SPAG17: variants seen among roughly 807,000 people sequenced by gnomAD.
The protein encoded by SPAG17 is sperm-associated antigen 17.
In SPAG17, 169 loss-of-function variants were observed where a neutral mutation model predicts 273.6. The ratio of observed to expected loss-of-function variants is 0.62; its 90% CI spans 0.55 to 0.70. The LOEUF is 0.70. SPAG17 is among the 30% of genes least tolerant of loss of function. The pLI is 0.00. For synonymous variants in SPAG17, 825 were observed against 873.2 expected, an observed-to-expected ratio of 0.94 and a Z score of 0.97; for missense variants, 2,557 against 2,627.8, an observed-to-expected ratio of 0.97 and a Z score of 0.59.
intron 15 of SPAG17, among the ~76,000 whole-genome samples, chr1:118,076,010 T>G (rs1179975403): frequency 6.6e-6 from 1 of 152,080 alleles, no homozygotes; most frequent in Admixed American, 6.6e-5. Flanking sequence ...TCCTGGAGAA[T>G]AGAAACTTCA....
chr1:118,138,515 A>G (rs1189309792), intron 3 of SPAG17, among the ~76,000 whole-genome samples: 1 of 151,598 alleles, frequency 6.6e-6, no homozygotes, highest in African/African-American at 2.4e-5. Flanking sequence ...AATTATTTAC[A>G]TCACAAACCA....
intron 3 of SPAG17, among the ~76,000 whole-genome samples, chr1:118,122,220 G>C (rs939365597): frequency 8.6e-5 from 13 of 151,962 alleles, no homozygotes; most frequent in African/African-American, 3.1e-4. Context: ...CTGTTTAGAT[G>C]GGCCCGATTC....
intron 30 of SPAG17, among the ~76,000 whole-genome samples, chr1:118,011,166 T>C (rs12139557): frequency 0.07 from 10,618 of 152,246 alleles, 569 homozygotes; most frequent in East Asian, 0.31. Flanking sequence ...AGTGTGGTGA[T>C]TCTTCAACGA....
intron 48 of SPAG17, chr1:117,962,535 C>G (rs1653244438): frequency 6.8e-6 from 1 of 148,080 alleles, no homozygotes; most frequent in Admixed American, 6.7e-5. Context: ...GCAACAGAGC[C>G]AGACTCCATT....
intron 48 of SPAG17, chr1:117,957,146 G>C (rs143716190): frequency 6.2e-7 from 1 of 1,612,462 alleles, no homozygotes; most frequent in South Asian, 1.1e-5. Context: ...AATTCATTCA[G>C]CTGGGCTCTG....
chr1:117,957,683 A>T (rs897881171), intron 48 of SPAG17, among the ~76,000 whole-genome samples: 8 of 152,050 alleles, frequency 5.3e-5, no homozygotes, highest in African/African-American at 1.9e-4. Flanking sequence ...AAACATTATG[A>T]TTTTTTTGTG....
At position 118,025,704 on chromosome 1, in the gene SPAG17, C is replaced by T. The variant is rs559149337; in HGVS notation, c.3731-288G>A. On this transcript the variant is annotated intron_variant, in intron 26 of 48. Coordinates refer to ENST00000336338, the MANE Select transcript of SPAG17 (RefSeq NM_206996.4). ...AGAGGGTCTCATTATGTTGGCTAGG[C>T]GGGTCTCAAACTCCTGGCCTCAAGC... is the stretch of plus-strand genomic sequence containing the variant. Among the ~76,000 whole-genome samples, 13 of 152,118 alleles carry T rather than the reference C, an allele frequency of 8.5e-5. No individual in the cohort carries two copies. The South Asian group carries it at 2.3e-3, about 27-fold the overall frequency.
chr1:118,005,352 A>C (rs1658769178), intron 32 of SPAG17, 62 bp downstream of exon 32: 2 of 1,359,632 alleles, frequency 1.5e-6, no homozygotes, highest in Admixed American at 2.5e-5. Context: ...GAAGCTTTGT[A>C]GTGTGAAATA....
Position 118,097,828 on chromosome 1 carries a change from T to C in SPAG17, c.853A>G (p.Lys285Glu). 1 of 1,589,566 alleles carries C rather than the reference T, an allele frequency of 6.3e-7. No homozygotes were observed. Among genetic ancestry groups the C allele is most frequent in the Non-Finnish European group, 8.5e-7 (1 of 1,172,244 alleles). Residue 285 changes from lysine (K) to glutamate (E), a missense_variant, in exon 7 of 49, where the codon AAA becomes GAA. By Grantham distance (56) the Lys-to-Glu change is moderately conservative. Transcript: ENST00000336338. ...TTAAGCTCTTTTATGGCATTTTCTT[T>C]CTTCAATTTTTCTGCTTCTAGATCT... is the stretch of plus-strand genomic sequence containing the variant. ...SEDLEAEKLKKENAIKELKTF... is the reference protein window; with the variant it reads ...SEDLEAEKLKEENAIKELKTF...
intron 18 of SPAG17, among the ~76,000 whole-genome samples, chr1:118,057,728 T>C (rs1429783449): frequency 6.6e-6 from 1 of 152,098 alleles, no homozygotes; most frequent in Non-Finnish European, 1.5e-5. Context: ...AATGTAACTA[T>C]GCTACTTATT....
intron 22 of SPAG17, among the ~76,000 whole-genome samples, chr1:118,039,796 G>A (rs537741841): frequency 2.0e-5 from 3 of 152,156 alleles, no homozygotes; most frequent in African/African-American, 7.2e-5. Context: ...AAATAAAAAG[G>A]CAGCATAGAA....
chr1:117,997,566 T>TAAAAAAAA (rs11428560), intron 32 of SPAG17, among the ~76,000 whole-genome samples: 4 of 123,386 alleles, frequency 3.2e-5, no homozygotes, highest in African/African-American at 5.9e-5. Context: ...GAATGAGAAG[T>TAAAAAAAA]AAAAAAAAAA....
At chr1:118,103,840 A>AGT (rs60797775) in intron 4 of SPAG17, among the ~76,000 whole-genome samples, 125 of 136,372 alleles carry the variant, frequency 9.2e-4, no homozygotes, top group African/African-American at 2.4e-3. Flanking sequence ...GGGAAAATGT[A>AGT]GTGTGTGTGT....
chr1:118,013,915 G>A (rs1659718719), intron 29 of SPAG17, among the ~76,000 whole-genome samples: 2 of 152,176 alleles, frequency 1.3e-5, no homozygotes, highest in South Asian at 4.1e-4. Context: ...GAAACCAGAT[G>A]AGAAACTTGC....
At chr1:118,122,159 G>A (rs1657460986) in intron 3 of SPAG17, among the ~76,000 whole-genome samples, 1 of 151,758 alleles carries the variant, frequency 6.6e-6, no homozygotes, top group Non-Finnish European at 1.5e-5. Context: ...GTGTCTGTGT[G>A]TGTGTGTGTG....
At chr1:118,176,201 G>C (rs1660689549) in intron 1 of SPAG17, among the ~76,000 whole-genome samples, 1 of 151,998 alleles carries the variant, frequency 6.6e-6, no homozygotes, top group African/African-American at 2.4e-5. Context: ...TATGAAACAA[G>C]AACACAAGCA....
rs534787753 is a variant in SPAG17, at chr1:118,171,899, T to A, written c.87+13172A>T. On this transcript the variant is annotated intron_variant, in intron 1 of 48. Coordinates refer to ENST00000336338, the MANE Select transcript of SPAG17 (RefSeq NM_206996.4). ...AAGATTTGGTTCCTGATGTGACAAATCACTACATGTCTTTGGACCCGATCT... is the reference window on the plus strand; with the variant it reads ...AAGATTTGGTTCCTGATGTGACAAAACACTACATGTCTTTGGACCCGATCT... Among the ~76,000 whole-genome samples the A allele has an allele frequency of 2.6e-5, 4 of 152,274 alleles. No individual in the cohort carries two copies. The South Asian group carries it at 8.3e-4, about 32-fold the overall frequency.
intron 4 of SPAG17, among the ~76,000 whole-genome samples, chr1:118,109,463 G>A (rs1656625332): frequency 2.0e-5 from 3 of 150,424 alleles, no homozygotes; most frequent in African/African-American, 7.3e-5. Context: ...TCTGAGGCAG[G>A]AGAATCACTT....
intron 48 of SPAG17, chr1:117,959,223 C>A: frequency 6.5e-7 from 1 of 1,537,438 alleles, no homozygotes; most frequent in African/African-American, 1.4e-5. Flanking sequence ...GTTACCCTAA[C>A]TCTCATACGC....
Sources: gnomAD v4.1 joint callset for allele counts (sites outside exome capture counted in the v4.1 genomes callset) on GRCh38, gnomAD v4.1.1 for gene constraint, MANE v1.5 for transcripts, NCBI Gene and HGNC (gene_info 2026-07-23, HGNC 2026-07-21) for gene names.